The following VPS13A variants were observed in gnomAD, a reference collection of about 807,000 sequenced individuals.
The protein encoded by VPS13A is vacuolar protein sorting 13 homolog A.
In VPS13A, 264 loss-of-function variants were observed where a neutral mutation model predicts 390.9. That is an observed-to-expected ratio of 0.68 (90% CI 0.61 to 0.75). The LOEUF (loss-of-function observed/expected upper bound fraction) is 0.75, where lower values mean the gene tolerates loss of function less well. Among genes scored for constraint, VPS13A ranks in the 30% least tolerant of loss-of-function variants. The pLI is 0.00. For missense variants in VPS13A, 3,409 were observed against 3,733.9 expected (o/e 0.91, Z 2.27); for synonymous variants, 1,231 against 1,227.1 (o/e 1.00, Z -0.07).
chr9:77,316,370 G>T lies in VPS13A; in HGVS notation c.4827G>T (p.Pro1609=), dbSNP rs781553853. The change falls in exon 39 of 72, where the codon CCG becomes CCT. Residue 1609 remains proline (P), a synonymous_variant. Coordinates refer to ENST00000360280, the MANE Select transcript of VPS13A (RefSeq NM_033305.3). ...AAGATCTCCAAGTGAGAGCCTGCCCGTTTCTTCCAGTCAAGAGAAAAGGCA... is the reference window on the plus strand; with the variant it reads ...AAGATCTCCAAGTGAGAGCCTGCCCTTTTCTTCCAGTCAAGAGAAAAGGCA... ...AIKDLQVRAC[P]FLPVKRKGKI... is the part of the protein sequence containing the mutation. The T allele has an allele frequency of 6.2e-7, 1 of 1,612,930 alleles. No individual in the cohort carries two copies. Among genetic ancestry groups the T allele is most frequent in the Non-Finnish European group, 8.5e-7 (1 of 1,179,202 alleles).
In VPS13A at chr9:77,201,263, A is replaced by T. The variant is rs1825315093; in HGVS notation, c.145-102A>T. 3 of 792,532 alleles carry T rather than the reference A, an allele frequency of 3.8e-6. No individual in the cohort carries two copies. In the South Asian group the frequency reaches 4.9e-5, roughly 13 times the overall value. The allele number at this position is 792,532 out of a possible 1,614,324, so 49.1% of individuals were successfully genotyped here. A position where few individuals can be genotyped will look rare whatever the true frequency, so the allele number is the denominator to read the frequency against. On this transcript the variant is annotated intron_variant, in intron 2 of 71. Transcript: ENST00000360280. Reference sequence around the variant, plus strand: ...TGATAAGGAAATGTGTAAGTTTATTAAAAAATCCCTTGAAATAATTTTTGG... The same window carrying T: ...TGATAAGGAAATGTGTAAGTTTATTTAAAAATCCCTTGAAATAATTTTTGG...
At chr9:77,201,498 G>A in intron 3 of VPS13A, 91 bp downstream of exon 3, 1 of 1,092,446 alleles carries the variant, frequency 9.2e-7, no homozygotes, top group Non-Finnish European at 1.4e-6. Context: ...TATTTTTCAT[G>A]TTTCTGAGCA....
chr9:77,319,195 CA>C (rs5898533), intron 41 of VPS13A, among the ~76,000 whole-genome samples: 61 of 123,438 alleles, frequency 4.9e-4, no homozygotes, highest in Non-Finnish European at 7.0e-4. Flanking sequence ...GACCCAGACT[CA>C]AAAAAAAAAA....
chr9:77,339,409 A>G, intron 47 of VPS13A, 107 bp from the exon 48 acceptor site: 1 of 1,106,070 alleles, frequency 9.0e-7, no homozygotes, highest in Non-Finnish European at 1.3e-6. Context: ...TCTGATAGGT[A>G]TTTCAAAAGC....
At chr9:77,357,669 AT>A (rs1487781909) in intron 55 of VPS13A, 22 bp from the exon 56 acceptor site, 3 of 1,610,846 alleles carry the variant, frequency 1.9e-6, no homozygotes, top group East Asian at 4.5e-5. Context: ...TAATTTTTTC[AT>A]TTGGGGGGAC....
chr9:77,224,773 T>G (rs10781426), intron 13 of VPS13A, among the ~76,000 whole-genome samples: 30,365 of 152,212 alleles, frequency 0.2, 3,924 homozygotes, highest in East Asian at 0.4. Flanking sequence ...TTTGAGAGGA[T>G]TGACTTCAAT....
chr9:77,394,829 A>G (rs1369060976), intron 68 of VPS13A, among the ~76,000 whole-genome samples: 1 of 152,190 alleles, frequency 6.6e-6, no homozygotes, highest in East Asian at 1.9e-4. Flanking sequence ...CTTAAACCTC[A>G]TGAACCAATC....
chr9:77,177,662 G>C lies in VPS13A; in HGVS notation c.-43G>C. On this transcript the variant is annotated 5_prime_UTR_variant, in exon 1 of 72. Transcript: ENST00000360280. ...GGGCGTGGGGAAGGCGGCGGGAGGA[G>C]GAGCGCACGGGCCGGCTGCCGTGCC... 1 of 1,575,874 alleles carries C rather than the reference G, an allele frequency of 6.3e-7. No individual in the cohort carries two copies. The highest frequency in any genetic ancestry group is 8.7e-7 in the Non-Finnish European group (1 of 1,149,450).
intron 59 of VPS13A, among the ~76,000 whole-genome samples, chr9:77,365,016 C>T (rs1184334601): frequency 1.3e-5 from 2 of 152,100 alleles, no homozygotes; most frequent in Non-Finnish European, 2.9e-5. Context: ...AGAATGAAAC[C>T]ACCAATCAAT....
At chr9:77,349,182 C>T (rs1344787682) in intron 52 of VPS13A, among the ~76,000 whole-genome samples, 1 of 152,116 alleles carries the variant, frequency 6.6e-6, no homozygotes, top group South Asian at 2.1e-4. Context: ...CATTGCTTTT[C>T]CTTTCCTTTC....
At chr9:77,255,739 T>A (rs981503616) in intron 22 of VPS13A, among the ~76,000 whole-genome samples, 1 of 152,134 alleles carries the variant, frequency 6.6e-6, no homozygotes, top group African/African-American at 2.4e-5. Flanking sequence ...TTGGTAGATT[T>A]GTGTTTCTTG....
At chr9:77,262,093 T>C (rs1455583146) in intron 23 of VPS13A, among the ~76,000 whole-genome samples, 1 of 152,194 alleles carries the variant, frequency 6.6e-6, no homozygotes, top group Non-Finnish European at 1.5e-5. Flanking sequence ...CTTTTTTCTA[T>C]TGGGTTATGG....
intron 17 of VPS13A, among the ~76,000 whole-genome samples, chr9:77,229,045 T>C (rs988578828): frequency 6.6e-6 from 1 of 152,146 alleles, no homozygotes; most frequent in Non-Finnish European, 1.5e-5. Flanking sequence ...AGCCAAACCT[T>C]ATCAACTACT....
intron 71 of VPS13A, among the ~76,000 whole-genome samples, chr9:77,412,923 G>A (rs1353398063): frequency 3.9e-5 from 6 of 152,218 alleles, no homozygotes; most frequent in East Asian, 1.9e-4. Context: ...AAATCAATGT[G>A]CAAAAATCAC....
intron 1 of VPS13A, among the ~76,000 whole-genome samples, chr9:77,179,337 C>G (rs1013247200): frequency 6.6e-6 from 1 of 152,190 alleles, no homozygotes; most frequent in African/African-American, 2.4e-5. Flanking sequence ...AAAGGTTCAT[C>G]AAGCCTCCCG....
intron 68 of VPS13A, among the ~76,000 whole-genome samples, chr9:77,402,704 T>C (rs186062695): frequency 6.6e-6 from 1 of 152,282 alleles, no homozygotes; most frequent in East Asian, 1.9e-4. Flanking sequence ...TAAAGATTGA[T>C]TCAAAGGCTA....
intron 59 of VPS13A, among the ~76,000 whole-genome samples, chr9:77,362,022 C>T (rs927472878): frequency 4.6e-5 from 7 of 151,936 alleles, no homozygotes; most frequent in African/African-American, 1.7e-4. Context: ...AGTTATTTGT[C>T]TTTTTTCTTA....
chr9:77,250,317 G>A, intron 21 of VPS13A, 88 bp downstream of exon 21: 1 of 1,435,216 alleles, frequency 7.0e-7, no homozygotes, highest in African/African-American at 1.4e-5. Flanking sequence ...CCTCTTAAAT[G>A]TGTTAGAACG....
rs1266957541 is a variant in VPS13A, at chr9:77,321,705, C to T, written c.5789C>T (p.Ala1930Val). The change falls in exon 44 of 72, where the codon GCA (alanine) becomes GTA (valine). Residue 1930 changes from alanine to valine, a missense_variant. By Grantham distance (64) the Ala-to-Val change is moderately conservative (BLOSUM62 0). Coordinates refer to ENST00000360280, the MANE Select transcript of VPS13A (RefSeq NM_033305.3). The stretch of plus-strand genomic sequence containing the variant: ...ACCAAGGACAATGATCATTTCAATG[C>T]AATGACCAGCCTAAGCAGCAAACTC... ...IRTKDNDHFN[A>V]MTSLSSKLFF... The T allele has an allele frequency of 6.8e-6, 11 of 1,613,086 alleles. No homozygotes were observed. In the Admixed American group the frequency reaches 1.8e-4, roughly 27 times the overall value.
Sources: allele counts gnomAD v4.1 joint callset (sites outside exome capture counted in the v4.1 genomes callset), GRCh38; gene constraint gnomAD v4.1.1; transcripts MANE v1.5; gene names NCBI Gene and HGNC (gene_info 2026-07-23, HGNC 2026-07-21).